The following UBR3 variants were observed in gnomAD, a reference collection of about 807,000 sequenced individuals.
The protein encoded by UBR3 is E3 ubiquitin-protein ligase UBR3.
UBR3 carries 85 observed loss-of-function variants against 243.2 expected under a neutral mutation model. That is an observed-to-expected ratio of 0.35 (90% confidence interval 0.29 to 0.42). The LOEUF (loss-of-function observed/expected upper bound fraction) is 0.42, where lower values mean the gene tolerates loss of function less well. Ranked by LOEUF, UBR3 falls within the 10% of genes least tolerant of loss-of-function variation. The pLI is 1.00. For missense variants in UBR3, 1,686 were observed against 2,300.8 expected, an observed-to-expected ratio of 0.73 and a Z score of 5.47; for synonymous variants, 748 against 799.8, an observed-to-expected ratio of 0.94 and a Z score of 1.09.
intron 1 of UBR3, among the ~76,000 whole-genome samples, chr2:169,842,164 T>G (rs1418080287): frequency 6.6e-6 from 1 of 152,122 alleles, no homozygotes; most frequent in Non-Finnish European, 1.5e-5. Flanking sequence ...TCAAGGTTTG[T>G]AAATACACCA....
chr2:169,993,601 A>G (rs2089370752), intron 25 of UBR3, among the ~76,000 whole-genome samples: 1 of 152,132 alleles, frequency 6.6e-6, no homozygotes, highest in Non-Finnish European at 1.5e-5. Context: ...TATACAGGTG[A>G]TGTTCCTTCC....
At chr2:169,874,037 C>T (rs908474888) in intron 2 of UBR3, among the ~76,000 whole-genome samples, 1 of 151,988 alleles carries the variant, frequency 6.6e-6, no homozygotes, top group South Asian at 2.1e-4. Flanking sequence ...TATCTGTTAT[C>T]TGAAAACACG....
intron 1 of UBR3, among the ~76,000 whole-genome samples, chr2:169,846,176 G>A (rs1038557841): frequency 6.6e-6 from 1 of 152,136 alleles, no homozygotes; most frequent in Non-Finnish European, 1.5e-5. Context: ...AAATATAACC[G>A]TGGATTTGTC....
chr2:170,080,140 G>T, intron 37 of UBR3, 117 bp downstream of exon 37: 1 of 949,208 alleles, frequency 1.1e-6, no homozygotes, highest in Admixed American at 3.0e-5. Context: ...ATACATATAG[G>T]GATTGTGTGT....
In UBR3 at chr2:170,045,379, ACAAT is replaced by A. The variant is rs375881335; in HGVS notation, c.4660+4397_4660+4400del. Among the ~76,000 whole-genome samples the A allele has an allele frequency of 7.7e-3, 1,179 of 152,224 alleles. 12 individuals carry two copies. Among genetic ancestry groups the A allele is most frequent in the African/African-American group, 0.026 (1,066 of 41,544 alleles). On this transcript the variant is annotated intron_variant, in intron 32 of 38. Transcript: ENST00000272793. Reference sequence around the variant, plus strand: ...TTCAAGATGAGATTTGGGTGGGGAGACAATCAGACTGTATCAGGGAGGGTCAGTT... The same window carrying A: ...TTCAAGATGAGATTTGGGTGGGGAGACAGACTGTATCAGGGAGGGTCAGTT...
intron 1 of UBR3, among the ~76,000 whole-genome samples, chr2:169,854,854 A>G (rs988993820): frequency 7.9e-5 from 12 of 152,166 alleles, no homozygotes; most frequent in Admixed American, 4.6e-4. Context: ...TGTTGAGATT[A>G]GGAAGAGGTT....
chr2:169,968,161 G>C (rs1399462747), intron 24 of UBR3, among the ~76,000 whole-genome samples: 1 of 152,070 alleles, frequency 6.6e-6, no homozygotes, highest in South Asian at 2.1e-4. Context: ...GATCAAATCA[G>C]GGTAATTAGG....
intron 25 of UBR3, among the ~76,000 whole-genome samples, chr2:169,991,190 GC>G (rs1336971379): frequency 2.0e-5 from 3 of 152,116 alleles, no homozygotes; most frequent in Non-Finnish European, 4.4e-5. Flanking sequence ...AAACAACAGA[GC>G]CCCCAATGTA....
Position 169,891,185 on chromosome 2 carries a change from A to AG in UBR3, c.1061dup (p.Leu355SerfsTer25). Reference sequence around the variant, plus strand: ...TTCAGGATGATCAGGATGGTAGTCAAGGTCTGGGCAAGAGAAAAAGGGTAA... The same window carrying AG: ...TTCAGGATGATCAGGATGGTAGTCAAGGGTCTGGGCAAGAGAAAAAGGGTAA... On this transcript the variant is annotated frameshift_variant, in exon 6 of 39. Coordinates refer to ENST00000272793, the MANE Select transcript of UBR3 (RefSeq NM_172070.4). LOFTEE classifies it high-confidence loss of function. 1 of 1,550,042 alleles carries AG rather than the reference A, an allele frequency of 6.5e-7. No homozygotes were observed.
chr2:169,927,594 C>T (rs1165566249), intron 17 of UBR3, among the ~76,000 whole-genome samples, 189 bp downstream of exon 17: 1 of 148,998 alleles, frequency 6.7e-6, no homozygotes, highest in Non-Finnish European at 1.5e-5. Flanking sequence ...TTTTTTTAAC[C>T]TCCTGTTATT....
At chr2:170,073,631 C>G in intron 36 of UBR3, 24 bp downstream of exon 36, 1 of 1,605,150 alleles carries the variant, frequency 6.2e-7, no homozygotes, top group Non-Finnish European at 8.5e-7. Context: ...GTTGTACTAG[C>G]TTGTCACGGT....
intron 1 of UBR3, among the ~76,000 whole-genome samples, chr2:169,852,057 C>T (rs1011341809): frequency 1.3e-5 from 2 of 152,084 alleles, no homozygotes; most frequent in African/African-American, 4.8e-5. Context: ...GATCAGAAGA[C>T]AATGTGGTTT....
intron 1 of UBR3, among the ~76,000 whole-genome samples, chr2:169,832,262 T>C (rs1228607300): frequency 1.3e-5 from 2 of 152,186 alleles, no homozygotes; most frequent in Non-Finnish European, 2.9e-5. Flanking sequence ...TGCTAATAAC[T>C]GTATGTGGCT....
chr2:170,080,087 A>C, intron 37 of UBR3, 64 bp downstream of exon 37: 1 of 1,434,998 alleles, frequency 7.0e-7, no homozygotes. Context: ...AAATATGGTC[A>C]AGCCATCTCT....
At chr2:169,893,534 G>C (rs1052374538) in intron 6 of UBR3, among the ~76,000 whole-genome samples, 4 of 152,174 alleles carry the variant, frequency 2.6e-5, no homozygotes, top group Non-Finnish European at 5.9e-5. Flanking sequence ...AATTAAATTA[G>C]GTACAGCAGT....
At chr2:169,846,000 T>TC (rs1343033419) in intron 1 of UBR3, among the ~76,000 whole-genome samples, 1 of 151,824 alleles carries the variant, frequency 6.6e-6, no homozygotes, top group East Asian at 1.9e-4. Flanking sequence ...TGGTGAATGT[T>TC]CCATGTGCAC....
intron 27 of UBR3, among the ~76,000 whole-genome samples, chr2:170,006,389 TAAA>T (rs1350147981): frequency 1.3e-5 from 2 of 152,198 alleles, no homozygotes. Flanking sequence ...TTTAAGGACT[TAAA>T]AAGTTAATGT....
At chr2:170,056,481 A>G (rs1203627063) in intron 33 of UBR3, among the ~76,000 whole-genome samples, 1 of 152,224 alleles carries the variant, frequency 6.6e-6, no homozygotes, top group East Asian at 1.9e-4. Flanking sequence ...ATGAGATACT[A>G]TAGAGTTATA....
intron 1 of UBR3, among the ~76,000 whole-genome samples, chr2:169,832,914 CAA>C (rs1343074276): frequency 2.0e-5 from 3 of 150,716 alleles, no homozygotes; most frequent in Admixed American, 2.0e-4. Flanking sequence ...GCCTGGGCAA[CAA>C]GAGTGAAACT....
Sources: allele counts gnomAD v4.1 joint callset (sites outside exome capture counted in the v4.1 genomes callset), GRCh38; gene constraint gnomAD v4.1.1; transcripts MANE v1.5; gene names NCBI Gene and HGNC (gene_info 2026-07-23, HGNC 2026-07-21).